BTAF1: variants seen among roughly 807,000 people sequenced by gnomAD.
The protein encoded by BTAF1 is TATA-binding protein-associated factor 172.
In BTAF1, 38 loss-of-function variants were observed where a neutral mutation model predicts 227.1. That is an observed-to-expected ratio of 0.17 (90% CI 0.13 to 0.22). The LOEUF is 0.22. Among genes scored for constraint, BTAF1 ranks in the 10% least tolerant of loss-of-function variants. The pLI, the probability that BTAF1 is intolerant of heterozygous loss-of-function variation, is 1.00. For synonymous variants in BTAF1, 742 were observed against 751.9 expected (o/e 0.99, Z 0.21); for missense variants, 1,598 against 2,204.0 (o/e 0.73, Z 5.51).
chr10:92,012,859 A>G (rs564321361), intron 30 of BTAF1, among the ~76,000 whole-genome samples: 54 of 152,242 alleles, frequency 3.5e-4, no homozygotes, highest in African/African-American at 1.3e-3. Flanking sequence ...TTGTGCTTCA[A>G]TTTGAAGTTA....
At chr10:92,026,888 C>G (rs1302165108) in intron 36 of BTAF1, 137 bp downstream of exon 36, 1 of 1,029,368 alleles carries the variant, frequency 9.7e-7, no homozygotes, top group Non-Finnish European at 1.4e-6. Flanking sequence ...TCACTTAACT[C>G]TTCTGTGGTA....
rs1198649579 is a variant in BTAF1, at chr10:91,958,918, A to G, written c.901-147A>G. ...TGTATATGTGTAATTCTTCTTAGAT[A>G]GTTGAAGAAAAATACATTCTTGTAA... is the stretch of plus-strand genomic sequence containing the variant. On this transcript the variant is annotated intron_variant, in intron 8 of 37. Transcript: ENST00000265990. 5.8e-6 allele frequency: 4 copies of G among 684,998 alleles called. No homozygotes were observed. In the East Asian group the frequency reaches 8.3e-5, roughly 14 times the overall value. 42.4% of individuals were successfully genotyped at this position (684,998 alleles called of 1,614,324 possible).
At chr10:91,990,446 C>T (rs768695214) in intron 20 of BTAF1, among the ~76,000 whole-genome samples, 50 of 151,744 alleles carry the variant, frequency 3.3e-4, no homozygotes, top group Admixed American at 2.3e-3. Flanking sequence ...AGAGAACTTG[C>T]TTGAGATATT....
At chr10:91,993,366 C>T (rs1342023029) in intron 21 of BTAF1, among the ~76,000 whole-genome samples, 3 of 152,054 alleles carry the variant, frequency 2.0e-5, no homozygotes, top group African/African-American at 4.8e-5. Context: ...CTCTAGCTGA[C>T]AAGTTTCTTT....
chr10:91,999,884 T>TA (rs1380314484), intron 25 of BTAF1, among the ~76,000 whole-genome samples: 1 of 152,048 alleles, frequency 6.6e-6, no homozygotes, highest in African/African-American at 2.4e-5. Flanking sequence ...AACTTGGTGA[T>TA]AAAGGTATAA....
chr10:91,930,464 C>T (rs928197346), intron 1 of BTAF1, among the ~76,000 whole-genome samples: 4 of 152,180 alleles, frequency 2.6e-5, no homozygotes, highest in African/African-American at 9.7e-5. Context: ...AGTGGGGTAA[C>T]TTATCTAGCA....
chr10:91,990,445 G>A (rs749541300), intron 20 of BTAF1, among the ~76,000 whole-genome samples: 13 of 151,546 alleles, frequency 8.6e-5, no homozygotes, highest in Non-Finnish European at 2.9e-5. Flanking sequence ...AAGAGAACTT[G>A]CTTGAGATAT....
At chr10:92,004,626 C>T (rs565389617) in intron 25 of BTAF1, among the ~76,000 whole-genome samples, 1 of 152,084 alleles carries the variant, frequency 6.6e-6, no homozygotes, top group Non-Finnish European at 1.5e-5. Context: ...TGCCACCATG[C>T]CCAGCTAACT....
chr10:91,925,514 C>CTATTTTTTTTTTTTTT (rs1429217189), intron 1 of BTAF1, among the ~76,000 whole-genome samples: 1 of 69,032 alleles, frequency 1.4e-5, no homozygotes, highest in Non-Finnish European at 4.3e-5. Flanking sequence ...CAACGCTAAT[C>CTATTTTTTTTTTTTTT]TCTTTTTTTT....
chr10:91,927,146 T>C (rs1381874197), intron 1 of BTAF1, among the ~76,000 whole-genome samples: 1 of 151,988 alleles, frequency 6.6e-6, no homozygotes, highest in Non-Finnish European at 1.5e-5. Context: ...GTTTGATTTT[T>C]TTTTTTTTTG....
At position 92,008,891 on chromosome 10, in the gene BTAF1, C is replaced by T. The variant is rs1200462191; in HGVS notation, c.3876C>T (p.Asp1292=). 1 of 1,613,424 alleles carries T rather than the reference C, an allele frequency of 6.2e-7. No individual in the cohort carries two copies. The highest frequency in any genetic ancestry group is 8.5e-7 in the Non-Finnish European group (1 of 1,179,466). The change falls in exon 27 of 38, where the codon GAC becomes GAT. Residue 1292 remains aspartate, a synonymous_variant. Transcript: ENST00000265990. ...KYKLHGILCD[D]MGLGKTLQSI... ...AACTTCATGGAATTCTGTGTGATGA[C>T]ATGGGTTTAGGAAAAACTTTACAGT...
At chr10:91,949,253 C>T (rs1349254116) in intron 4 of BTAF1, among the ~76,000 whole-genome samples, 7 of 152,134 alleles carry the variant, frequency 4.6e-5, no homozygotes, top group Non-Finnish European at 8.8e-5. Flanking sequence ...GACAAGGCTC[C>T]AGTGAGCTGT....
At chr10:92,022,228 G>A (rs1851190205) in intron 34 of BTAF1, among the ~76,000 whole-genome samples, 1 of 152,166 alleles carries the variant, frequency 6.6e-6, no homozygotes, top group South Asian at 2.1e-4. Flanking sequence ...GATTACATTA[G>A]GAAGAATGTC....
At chr10:92,027,425 A>G in intron 37 of BTAF1, 125 bp downstream of exon 37, 1 of 830,932 alleles carries the variant, frequency 1.2e-6, no homozygotes, top group Non-Finnish European at 1.8e-6. Flanking sequence ...CACTGGAGGG[A>G]ATTTTTGGTG....
intron 14 of BTAF1, among the ~76,000 whole-genome samples, chr10:91,978,013 C>T (rs1847806915): frequency 6.6e-6 from 1 of 152,150 alleles, no homozygotes. Context: ...TGCATTGACA[C>T]ATTATTATCA....
chr10:91,959,409 C>T (rs1048296856), intron 9 of BTAF1: 11 of 577,086 alleles, frequency 1.9e-5, no homozygotes, highest in African/African-American at 1.8e-4. Context: ...GATATATGAC[C>T]GGTGTGCTTG....
At chr10:92,026,459 C>T in intron 35 of BTAF1, 133 bp from the exon 36 acceptor site, 8 of 680,140 alleles carry the variant, frequency 1.2e-5, no homozygotes, top group Non-Finnish European at 1.9e-5. Context: ...ATATTTTTCT[C>T]AGATGATCAT....
Position 92,031,324 on chromosome 10 carries a change from A to G in BTAF1, c.*2391A>G, listed in dbSNP as rs994634151. Among the ~76,000 whole-genome samples, 6 of 152,182 alleles carry G rather than the reference A, an allele frequency of 3.9e-5. No homozygotes were observed. The highest frequency in any genetic ancestry group is 1.3e-4 in the Admixed American group (2 of 15,286). ...CAAACATTTCTCCAAAAAGTATTCT[A>G]GTGAAAGGGTAAAAGTCTTTGATGT... On this transcript the variant is annotated 3_prime_UTR_variant, in exon 38 of 38. Transcript: ENST00000265990.
At chr10:91,982,898 T>C (rs749788198) in intron 18 of BTAF1, 137 bp downstream of exon 18, 22 of 911,878 alleles carry the variant, frequency 2.4e-5, no homozygotes, top group Non-Finnish European at 3.5e-5. Context: ...GTCCAAATTA[T>C]ATTGAAGATT....
Sources: gnomAD v4.1 joint callset for allele counts (sites outside exome capture counted in the v4.1 genomes callset) on GRCh38, gnomAD v4.1.1 for gene constraint, MANE v1.5 for transcripts, NCBI Gene and HGNC (gene_info 2026-07-23, HGNC 2026-07-21) for gene names.